CTSC: variants seen among roughly 807,000 people sequenced by gnomAD.
CTSC encodes the protein dipeptidyl peptidase 1.
CTSC carries 37 observed loss-of-function variants against 40.9 expected under a neutral mutation model. The ratio of observed to expected loss-of-function variants is 0.91; its 90% confidence interval spans 0.70 to 1.19. The LOEUF (loss-of-function observed/expected upper bound fraction) is 1.19, where lower values mean the gene tolerates loss of function less well. Among genes scored for constraint, CTSC ranks in the 50% most tolerant of loss-of-function variants. The probability of loss-of-function intolerance (pLI) is 0.00; values close to 1 mark genes in which losing one functional copy is unlikely to be tolerated. For missense variants in CTSC, 594 were observed against 567.3 expected, an observed-to-expected ratio of 1.05 and a Z score of -0.48; for synonymous variants, 232 against 207.4, an observed-to-expected ratio of 1.12 and a Z score of -1.02.
intron 2 of CTSC, chr11:88,324,533 T>C: frequency 1.0e-6 from 1 of 975,808 alleles, no homozygotes; most frequent in South Asian, 4.9e-5. Context: ...TGGTAATACT[T>C]GTGAAAAGTC....
In CTSC at chr11:88,335,051, A is replaced by C. The variant is rs1484213951; in HGVS notation, c.204T>G (p.Leu68=). 1.2e-6 allele frequency: 2 copies of C among 1,609,718 alleles called. No homozygotes were observed. The highest frequency in any genetic ancestry group is 1.3e-5 in the African/African-American group (1 of 74,890). ...GPQEKKVVVY[L]QKLDTAYDDL... The stretch of plus-strand genomic sequence containing the variant: ...CATCATATGCTGTATCCAGCTTCTG[A>C]AGGTACACCACTACTTTTTTTTCTT... The change falls in exon 2 of 7, where the codon CTT becomes CTG. Residue 68 remains leucine, a synonymous_variant. Coordinates refer to ENST00000227266, the MANE Select transcript of CTSC (RefSeq NM_001814.6).
chr11:88,329,366 A>T (rs1035461730), intron 2 of CTSC, among the ~76,000 whole-genome samples: 5 of 150,376 alleles, frequency 3.3e-5, no homozygotes, highest in African/African-American at 1.2e-4. Context: ...CCTGTAATCC[A>T]ATCTACTCTG....
chr11:88,337,178 CG>C (rs1407836726), intron 1 of CTSC, among the ~76,000 whole-genome samples: 4 of 152,276 alleles, frequency 2.6e-5, no homozygotes, highest in Non-Finnish European at 5.9e-5. Flanking sequence ...GCTACCAGAT[CG>C]GACTGGAGAA....
chr11:88,329,182 G>C (rs541491591), intron 2 of CTSC, among the ~76,000 whole-genome samples: 1 of 151,564 alleles, frequency 6.6e-6, no homozygotes, highest in South Asian at 2.1e-4. Flanking sequence ...AGAAACAGTA[G>C]GTTAGAAAGC....
intron 2 of CTSC, chr11:88,324,470 C>T (rs1938121653): frequency 1.0e-6 from 1 of 981,322 alleles, no homozygotes; most frequent in Non-Finnish European, 1.2e-6. Context: ...ATGTATATGG[C>T]ACCATTCCTG....
chr11:88,331,229 G>A (rs369583248), intron 2 of CTSC, among the ~76,000 whole-genome samples: 1 of 152,200 alleles, frequency 6.6e-6, no homozygotes, highest in African/African-American at 2.4e-5. Flanking sequence ...CCAGGAGACA[G>A]TTTCAGATCC....
chr11:88,336,408 A>G (rs577448954), intron 1 of CTSC, among the ~76,000 whole-genome samples: 12 of 151,738 alleles, frequency 7.9e-5, no homozygotes, highest in African/African-American at 2.7e-4. Context: ...GCGTGGTGGC[A>G]TGTGCCCGTA....
chr11:88,306,836 G>A (rs758131839), intron 4 of CTSC, among the ~76,000 whole-genome samples: 12 of 152,184 alleles, frequency 7.9e-5, no homozygotes, highest in Non-Finnish European at 1.3e-4. Flanking sequence ...ATCTGCAGAC[G>A]GCTAAGCTGA....
intron 2 of CTSC, among the ~76,000 whole-genome samples, chr11:88,314,626 C>G (rs868610444): frequency 4.6e-5 from 7 of 152,258 alleles, no homozygotes; most frequent in African/African-American, 1.7e-4. Context: ...CTCCCAGGTT[C>G]AAGCGATTCT....
At chr11:88,309,429 G>A (rs1035087426) in intron 3 of CTSC, 111 bp from the exon 4 acceptor site, 54 of 947,202 alleles carry the variant, frequency 5.7e-5, no homozygotes, top group Non-Finnish European at 8.5e-5. Flanking sequence ...CAATCTTTCA[G>A]GAAGGTAATT....
rs115786076 is a variant in CTSC, at chr11:88,336,624, G to C, written c.172+877C>G. On this transcript the variant is annotated intron_variant, in intron 1 of 6. Coordinates refer to ENST00000227266, the MANE Select transcript of CTSC (RefSeq NM_001814.6). Reference sequence around the variant, plus strand: ...AAAAGGTATTTCTTTAGTAACAAATGACTTAATCTTTGTTCTGTTGACAAG... The same window carrying C: ...AAAAGGTATTTCTTTAGTAACAAATCACTTAATCTTTGTTCTGTTGACAAG... 7.0e-3 allele frequency among the ~76,000 whole-genome samples: 1,058 copies of C among 151,756 alleles called. 17 individuals are homozygous for C. Among genetic ancestry groups the C allele is most frequent in the African/African-American group, 0.024 (988 of 41,412 alleles).
At chr11:88,334,250 T>C (rs1938434362) in intron 2 of CTSC, among the ~76,000 whole-genome samples, 1 of 152,232 alleles carries the variant, frequency 6.6e-6, no homozygotes, top group Non-Finnish European at 1.5e-5. Flanking sequence ...AAGTTCCAGC[T>C]TGTGAAGAAC....
chr11:88,297,921 T>C (rs1944315919), intron 5 of CTSC: 2 of 152,170 alleles, frequency 1.3e-5, no homozygotes, highest in South Asian at 2.1e-4. Flanking sequence ...GATCTTCATA[T>C]GGTATAACTA....
Position 88,335,019 on chromosome 11 carries a change from C to G in CTSC, c.236G>C (p.Gly79Ala). Residue 79 changes from glycine (G) to alanine (A), a missense_variant, in exon 2 of 7, where the codon GGC becomes GCC. Gly to Ala is a moderately conservative substitution (Grantham distance 60). Coordinates refer to ENST00000227266, the MANE Select transcript of CTSC (RefSeq NM_001814.6). ...AATGATGGTGAAATGGCCAGAATTGCCAAGGTCATCATATGCTGTATCCAG... is the reference window on the plus strand; with the variant it reads ...AATGATGGTGAAATGGCCAGAATTGGCAAGGTCATCATATGCTGTATCCAG... ...QKLDTAYDDLGNSGHFTIIYN... is the reference protein window; with the variant it reads ...QKLDTAYDDLANSGHFTIIYN... 1 of 1,608,254 alleles carries G rather than the reference C, an allele frequency of 6.2e-7. No individual in the cohort carries two copies. The highest frequency in any genetic ancestry group is 1.3e-5 in the African/African-American group (1 of 74,766).
chr11:88,328,328 T>C, intron 2 of CTSC: 1 of 710,664 alleles, frequency 1.4e-6, no homozygotes, highest in South Asian at 1.6e-5. Context: ...GAAATACTCT[T>C]ACAAGTAAAC....
intron 4 of CTSC, 70 bp from the exon 5 acceptor site, chr11:88,300,715 T>G (rs186157569): frequency 1.0e-6 from 1 of 984,106 alleles, no homozygotes; most frequent in East Asian, 2.4e-5. Flanking sequence ...TAAACTCTAC[T>G]ATAATTCTAT....
At chr11:88,301,835 C>CAG (rs57004268) in intron 4 of CTSC, among the ~76,000 whole-genome samples, 43,149 of 150,234 alleles carry the variant, frequency 0.29, 7,404 homozygotes, top group Non-Finnish European at 0.41. Context: ...CACACACACA[C>CAG]AGAGAGAGAA....
chr11:88,309,812 G>A lies in CTSC; in HGVS notation c.486-494C>T, dbSNP rs78288433. On this transcript the variant is annotated intron_variant, in intron 3 of 6. Coordinates refer to ENST00000227266, the MANE Select transcript of CTSC (RefSeq NM_001814.6). Reference sequence around the variant, plus strand: ...ATAATACATACATATATATGTATGCGCGCACACACACACACACACACACAC... The same window carrying A: ...ATAATACATACATATATATGTATGCACGCACACACACACACACACACACAC... 6.5e-5 allele frequency among the ~76,000 whole-genome samples: 7 copies of A among 108,062 alleles called. No homozygotes were observed. In the South Asian group the frequency reaches 7.9e-4, roughly 12 times the overall value. 70.9% of individuals were successfully genotyped at this position (108,062 alleles called of 152,430 possible). A position where few individuals can be genotyped will look rare whatever the true frequency, so the allele number is the denominator to read the frequency against.
chr11:88,324,497 T>C, intron 2 of CTSC: 1 of 982,460 alleles, frequency 1.0e-6, no homozygotes, highest in Non-Finnish European at 1.2e-6. Context: ...CTTTCTAGAA[T>C]CCTACAAAAT....
Sources: gnomAD v4.1 joint callset for allele counts (sites outside exome capture counted in the v4.1 genomes callset) on GRCh38, gnomAD v4.1.1 for gene constraint, MANE v1.5 for transcripts, NCBI Gene and HGNC (gene_info 2026-07-23, HGNC 2026-07-21) for gene names.